Variants in JAZF1 observed in about 807,000 individuals in gnomAD.
JAZF1 encodes the protein JAZF zinc finger 1.
JAZF1 carries 8 observed loss-of-function variants against 26.4 expected under a neutral mutation model. That is an observed-to-expected ratio of 0.30 (90% CI 0.18 to 0.55). The LOEUF (loss-of-function observed/expected upper bound fraction) is 0.55, where lower values mean the gene tolerates loss of function less well. Ranked by LOEUF, JAZF1 falls within the 20% of genes least tolerant of loss-of-function variation. The probability of loss-of-function intolerance (pLI) is 0.94; values close to 1 mark genes in which losing one functional copy is unlikely to be tolerated. For missense variants in JAZF1, 199 were observed against 322.0 expected (o/e 0.62, Z 2.92); for synonymous variants, 126 against 122.3 (o/e 1.03, Z -0.20).
At chr7:27,898,294 T>TATATATATAC (rs1381369299) in intron 2 of JAZF1, among the ~76,000 whole-genome samples, 1 of 103,910 alleles carries the variant, frequency 9.6e-6, no homozygotes, top group Non-Finnish European at 1.9e-5. Flanking sequence ...CTCATATATA[T>TATATATATAC]ATATATATAT....
intron 2 of JAZF1, among the ~76,000 whole-genome samples, chr7:27,911,189 G>T (rs1784354673): frequency 6.6e-6 from 1 of 152,152 alleles, no homozygotes. Context: ...TCTTAAAATG[G>T]CTCTGGAGAG....
Position 27,974,979 on chromosome 7 carries a change from G to C in JAZF1, c.188+16930C>G, listed in dbSNP as rs534400473. Among the ~76,000 whole-genome samples the C allele has an allele frequency of 1.5e-3, 224 of 151,722 alleles. 1 individual carries two copies. The highest frequency in any genetic ancestry group is 5.0e-3 in the African/African-American group (207 of 41,340). On this transcript the variant is annotated intron_variant, in intron 2 of 4. Transcript: ENST00000283928. ...GGCTCTCTGCAACCTCTGCCTCCCA[G>C]GTTCAAGCCATTCTCCTGCCTCAGC...
rs1784111569 is a variant in JAZF1 at position 27,898,557 on chromosome 7, G to A, written c.189-3141C>T. ...TGACCTCAAGTGCTGCACCTGCCTC[G>A]GCCTCCCAAGTGCTGGGATTACAGA... On this transcript the variant is annotated intron_variant, in intron 2 of 4. Transcript: ENST00000283928. 2.0e-5 allele frequency among the ~76,000 whole-genome samples: 3 copies of A among 151,824 alleles called. No homozygotes were observed. The South Asian group carries it at 6.2e-4, about 32-fold the overall frequency.
intron 1 of JAZF1, among the ~76,000 whole-genome samples, chr7:28,080,723 C>T (rs1300452788): frequency 6.6e-6 from 1 of 152,142 alleles, no homozygotes; most frequent in Non-Finnish European, 1.5e-5. Flanking sequence ...ACACATAAAA[C>T]ATTTATTGAT....
chr7:27,899,589 C>G (rs754471697), intron 2 of JAZF1, among the ~76,000 whole-genome samples: 12 of 152,132 alleles, frequency 7.9e-5, no homozygotes, highest in Non-Finnish European at 1.5e-4. Flanking sequence ...CACGCCCCCC[C>G]ATGCCCAGGT....
chr7:28,125,146 CT>C (rs35830575), intron 1 of JAZF1, among the ~76,000 whole-genome samples: 5,699 of 136,104 alleles, frequency 0.042, 81 homozygotes, highest in East Asian at 0.099. Flanking sequence ...GGGAAGATTG[CT>C]TTTTTTTTTT....
At chr7:28,088,625 T>C (rs1054168032) in intron 1 of JAZF1, among the ~76,000 whole-genome samples, 2 of 152,218 alleles carry the variant, frequency 1.3e-5, no homozygotes, top group Non-Finnish European at 2.9e-5. Flanking sequence ...CTTTTCCTTC[T>C]ACTTCCAACC....
chr7:28,018,184 TG>T (rs1782930510), intron 1 of JAZF1, among the ~76,000 whole-genome samples: 1 of 151,912 alleles, frequency 6.6e-6, no homozygotes, highest in African/African-American at 2.4e-5. Context: ...AAGGGCAGGA[TG>T]GGGGTGGGCA....
rs189748189 is a variant in JAZF1, at chr7:28,145,327, A to G, written c.115+35136T>C. Among the ~76,000 whole-genome samples the G allele has an allele frequency of 5.3e-5, 8 of 152,318 alleles. No individual in the cohort carries two copies. The East Asian group carries it at 1.5e-3, about 29-fold the overall frequency. ...ACTGAGGGTATGAAACTAAGAGGTC[A>G]TGCCTCCCAAAATACTGGAGGTAAA... On this transcript the variant is annotated intron_variant, in intron 1 of 4. Transcript: ENST00000283928.
In JAZF1 at chr7:27,939,859, CATG is replaced by C. The variant is rs1394037689; in HGVS notation, c.189-44446_189-44444del. On this transcript the variant is annotated intron_variant, in intron 2 of 4. Coordinates refer to ENST00000283928, the MANE Select transcript of JAZF1 (RefSeq NM_175061.4). Reference sequence around the variant, plus strand: ...CTCGGTTCTCATCACGGGGTCTACACATGATGTTTATTGGGATGAACACATTGG... The same window carrying C: ...CTCGGTTCTCATCACGGGGTCTACACATGTTTATTGGGATGAACACATTGG... Among the ~76,000 whole-genome samples, 7 of 152,328 alleles carry C rather than the reference CATG, an allele frequency of 4.6e-5. No homozygotes were observed. In the South Asian group the frequency reaches 1.2e-3, roughly 27 times the overall value.
intron 1 of JAZF1, among the ~76,000 whole-genome samples, chr7:28,073,499 T>G (rs1023713456): frequency 5.9e-5 from 9 of 152,192 alleles, no homozygotes; most frequent in Non-Finnish European, 1.0e-4. Context: ...TGCTTTATTT[T>G]CACTTTAAAT....
At chr7:28,005,372 C>T (rs1272058738) in intron 1 of JAZF1, among the ~76,000 whole-genome samples, 1 of 151,602 alleles carries the variant, frequency 6.6e-6, no homozygotes, top group African/African-American at 2.4e-5. Flanking sequence ...AAAGGAATTG[C>T]CTTCGTTACT....
At chr7:27,943,409 G>C (rs1784878206) in intron 2 of JAZF1, among the ~76,000 whole-genome samples, 1 of 152,188 alleles carries the variant, frequency 6.6e-6, no homozygotes, top group South Asian at 2.1e-4. Flanking sequence ...GCCGCGCACT[G>C]GATGGCTAAT....
intron 1 of JAZF1, among the ~76,000 whole-genome samples, chr7:28,106,022 G>A (rs570165466): frequency 2.4e-4 from 36 of 152,284 alleles, no homozygotes; most frequent in Admixed American, 8.5e-4. Flanking sequence ...GCTCACGATC[G>A]GTTCTGCTAG....
chr7:27,835,340 C>A (rs1782785209), intron 4 of JAZF1, among the ~76,000 whole-genome samples: 1 of 152,182 alleles, frequency 6.6e-6, no homozygotes, highest in Admixed American at 6.5e-5. Context: ...CCATAAAAGC[C>A]AGTCCAATGT....
intron 1 of JAZF1, among the ~76,000 whole-genome samples, chr7:28,170,745 A>C (rs1471423163): frequency 6.6e-6 from 1 of 152,136 alleles, no homozygotes; most frequent in African/African-American, 2.4e-5. Flanking sequence ...TTATTTCTCC[A>C]AGACTTTCAG....
intron 1 of JAZF1, among the ~76,000 whole-genome samples, chr7:28,099,945 G>A (rs112073008): frequency 1.8e-4 from 28 of 152,166 alleles, no homozygotes; most frequent in Non-Finnish European, 4.0e-4. Context: ...AAGTTTCTGT[G>A]CTCACTAAGA....
At chr7:27,847,571 G>A (rs1783054223) in intron 3 of JAZF1, among the ~76,000 whole-genome samples, 2 of 152,068 alleles carry the variant, frequency 1.3e-5, no homozygotes, top group Admixed American at 6.6e-5. Flanking sequence ...CTGTGCCCTC[G>A]TCAAAAAGCA....
At chr7:27,946,579 T>C (rs1280715533) in intron 2 of JAZF1, among the ~76,000 whole-genome samples, 2 of 152,190 alleles carry the variant, frequency 1.3e-5, no homozygotes, top group African/African-American at 2.4e-5. Flanking sequence ...CTTCCAAAAA[T>C]AGATTTCTGG....
Sources: allele counts gnomAD v4.1 joint callset (sites outside exome capture counted in the v4.1 genomes callset), GRCh38; gene constraint gnomAD v4.1.1; transcripts MANE v1.5; gene names NCBI Gene and HGNC (gene_info 2026-07-23, HGNC 2026-07-21).